DENND1A: variants seen among roughly 807,000 people sequenced by gnomAD.
DENND1A encodes the protein DENN domain-containing protein 1A.
A neutral mutation model predicts 113.7 loss-of-function variants in DENND1A; 51 were observed. The ratio of observed to expected loss-of-function variants is 0.45; its 90% confidence interval spans 0.36 to 0.57. The LOEUF (loss-of-function observed/expected upper bound fraction) is 0.57, where lower values mean the gene tolerates loss of function less well. Ranked by LOEUF, DENND1A falls within the 20% of genes least tolerant of loss-of-function variation. The probability of loss-of-function intolerance (pLI) is 0.00; values close to 1 mark genes in which losing one functional copy is unlikely to be tolerated. For missense variants in DENND1A, 1,258 were observed against 1,395.9 expected, an observed-to-expected ratio of 0.90 and a Z score of 1.57; for synonymous variants, 565 against 570.8, an observed-to-expected ratio of 0.99 and a Z score of 0.14.
At chr9:123,886,422 C>G (rs947666584) in intron 1 of DENND1A, among the ~76,000 whole-genome samples, 3 of 152,304 alleles carry the variant, frequency 2.0e-5, no homozygotes, top group Admixed American at 1.3e-4. Context: ...GGACCCCTTA[C>G]TCATTTCACG....
At chr9:123,890,058 C>T (rs1849677227) in intron 1 of DENND1A, among the ~76,000 whole-genome samples, 2 of 152,096 alleles carry the variant, frequency 1.3e-5, no homozygotes, top group African/African-American at 4.8e-5. Context: ...CTGTAAAATA[C>T]TTTATGGTTA....
intron 10 of DENND1A, 57 bp downstream of exon 10, chr9:123,630,319 A>T (rs2061421326): frequency 1.6e-6 from 2 of 1,232,120 alleles, no homozygotes; most frequent in Admixed American, 6.4e-5. Context: ...GACACACCTA[A>T]CACGCCCAGT....
At chr9:123,635,874 T>C (rs1420962016) in intron 9 of DENND1A, among the ~76,000 whole-genome samples, 1 of 152,220 alleles carries the variant, frequency 6.6e-6, no homozygotes, top group Non-Finnish European at 1.5e-5. Flanking sequence ...TGCTAACTTT[T>C]TGACCTGGGC....
chr9:123,689,991 A>G (rs906712756), intron 5 of DENND1A, among the ~76,000 whole-genome samples: 1 of 149,496 alleles, frequency 6.7e-6, no homozygotes, highest in Non-Finnish European at 1.5e-5. Context: ...TCTGTACCAA[A>G]AAAGAAAAGG....
chr9:123,532,601 G>A (rs2055411116), intron 13 of DENND1A, among the ~76,000 whole-genome samples: 2 of 152,170 alleles, frequency 1.3e-5, no homozygotes, highest in Admixed American at 6.5e-5. Flanking sequence ...AAGTATGAAG[G>A]TAGGCTCTAT....
intron 1 of DENND1A, among the ~76,000 whole-genome samples, chr9:123,895,214 G>A (rs1286800707): frequency 1.3e-5 from 2 of 152,108 alleles, no homozygotes; most frequent in African/African-American, 2.4e-5. Context: ...GACCATAGCT[G>A]CATGCCACTT....
intron 2 of DENND1A, among the ~76,000 whole-genome samples, chr9:123,846,185 G>A (rs1290654215): frequency 6.6e-6 from 1 of 152,142 alleles, no homozygotes; most frequent in Non-Finnish European, 1.5e-5. Context: ...AAAAGAGACA[G>A]ACAACAGTAT....
intron 5 of DENND1A, among the ~76,000 whole-genome samples, chr9:123,700,402 G>C (rs2065815560): frequency 6.6e-6 from 1 of 152,210 alleles, no homozygotes; most frequent in South Asian, 2.1e-4. Flanking sequence ...ATGCGTGTGT[G>C]TGTGTATAAA....
chr9:123,846,848 C>A (rs1012911030), intron 2 of DENND1A, among the ~76,000 whole-genome samples: 1 of 152,028 alleles, frequency 6.6e-6, no homozygotes, highest in African/African-American at 2.4e-5. Flanking sequence ...TTTAAAATGG[C>A]AAATTTTGTT....
In DENND1A at chr9:123,879,034, C is replaced by A. The variant is rs1383964592; in HGVS notation, c.18-13G>T. 1 of 1,613,458 alleles carries A rather than the reference C, an allele frequency of 6.2e-7. No homozygotes were observed. The highest frequency in any genetic ancestry group is 1.1e-5 in the South Asian group (1 of 91,066). On this transcript the variant is annotated splice_polypyrimidine_tract_variant and intron_variant, in intron 1 of 23. Coordinates refer to ENST00000394215, the MANE Select transcript of DENND1A (RefSeq NM_001352964.2). ...CTCTGGATTCTGCCTACAAAAGAAA[C>A]AGATCATGATTACTGACAAAGATTG...
At position 123,671,293 on chromosome 9, in the gene DENND1A, C is replaced by T. The variant is rs145446980; in HGVS notation, c.451G>A (p.Val151Met). ...PDPGVSVHLS[V>M]HSYFTVPDTR... ...GGCTAATACTCCGCCCCACTTACCA[C>T]GCTGAGATGGACAGACACTCCTGGG... Residue 151 changes from valine (V) to methionine (M), a missense_variant and splice_region_variant, in exon 7 of 24, where the codon GTG becomes ATG. Physicochemically the swap from Val to Met is conservative, Grantham distance 21. This residue lies in a region of DENND1A where 1,159 missense variants were observed against 1,231.7 expected (regional missense o/e 0.94). Coordinates refer to ENST00000394215, the MANE Select transcript of DENND1A (RefSeq NM_001352964.2). 4.7e-4 allele frequency: 763 copies of T among 1,614,008 alleles called. 3 individuals carry two copies. The highest frequency in any genetic ancestry group is 2.8e-3 in the South Asian group (252 of 91,068).
intron 13 of DENND1A, among the ~76,000 whole-genome samples, chr9:123,499,260 CT>C (rs1383402351): frequency 1.3e-5 from 2 of 152,204 alleles, no homozygotes; most frequent in Non-Finnish European, 2.9e-5. Context: ...TCTTGAACTC[CT>C]GACCTCAGGC....
intron 2 of DENND1A, among the ~76,000 whole-genome samples, chr9:123,838,876 C>T (rs367635594): frequency 2.6e-5 from 4 of 152,100 alleles, no homozygotes; most frequent in African/African-American, 4.8e-5. Context: ...CAGCAGATAA[C>T]GGAAATATTT....
intron 11 of DENND1A, among the ~76,000 whole-genome samples, chr9:123,603,197 G>A (rs1382064519): frequency 1.3e-5 from 2 of 152,174 alleles, no homozygotes; most frequent in Non-Finnish European, 2.9e-5. Flanking sequence ...GACTTTCTAT[G>A]CCAGGGGAAA....
At chr9:123,916,721 C>T (rs568978825) in intron 1 of DENND1A, among the ~76,000 whole-genome samples, 3 of 152,142 alleles carry the variant, frequency 2.0e-5, no homozygotes, top group South Asian at 2.1e-4. Context: ...AAATCAAACT[C>T]GGTACCTATG....
At chr9:123,840,506 C>T (rs752052525) in intron 2 of DENND1A, among the ~76,000 whole-genome samples, 3 of 152,104 alleles carry the variant, frequency 2.0e-5, no homozygotes, top group Admixed American at 6.5e-5. Context: ...ATAACACCAC[C>T]TACCTGGCAG....
intron 1 of DENND1A, among the ~76,000 whole-genome samples, chr9:123,916,973 T>A (rs1302468689): frequency 6.6e-6 from 1 of 151,864 alleles, no homozygotes; most frequent in Non-Finnish European, 1.5e-5. Flanking sequence ...GCAGATCACT[T>A]GAGGTCAGGA....
Position 123,381,738 on chromosome 9 carries a change from T to G in DENND1A, c.2907A>C (p.Leu969=). 6.6e-7 allele frequency: 1 copy of G among 1,519,758 alleles called. No homozygotes were observed. Among genetic ancestry groups the G allele is most frequent in the Non-Finnish European group, 8.8e-7 (1 of 1,133,460 alleles). The allele number at this position is 1,519,758 out of a possible 1,614,324, so 94.1% of individuals were successfully genotyped here. The part of the protein sequence containing the change: ...QMPMGTHTSP[L]QPLGPPAVAP... ...CAACTGCTGGGGGACCCAGCGGCTG[T>G]AGGGGGCTCGTGTGGGTGCCCATGG... Residue 969 remains leucine, a synonymous_variant, in exon 24 of 24, where the codon CTA becomes CTC. Coordinates refer to ENST00000394215, the MANE Select transcript of DENND1A (RefSeq NM_001352964.2). This position sits in a 1 kb window ranked among gnomAD's most constrained non-coding sequence, Gnocchi z 4.7.
At chr9:123,694,622 T>C (rs1347414752) in intron 5 of DENND1A, among the ~76,000 whole-genome samples, 1 of 152,226 alleles carries the variant, frequency 6.6e-6, no homozygotes, top group Admixed American at 6.5e-5. Flanking sequence ...GTTTCTCTTG[T>C]CTGAATGTAT....
Sources: allele counts gnomAD v4.1 joint callset (sites outside exome capture counted in the v4.1 genomes callset), GRCh38; gene constraint gnomAD v4.1.1; regional missense constraint gnomAD v4.1.1; non-coding constraint Gnocchi (gnomAD v3.1); transcripts MANE v1.5; gene names NCBI Gene and HGNC (gene_info 2026-07-23, HGNC 2026-07-21).